Variants in CISD2 observed in about 807,000 individuals in gnomAD.
CISD2 encodes the protein CDGSH iron sulfur domain 2, also known as CDGSH iron-sulfur domain-containing protein 2.
A neutral mutation model predicts 12.9 loss-of-function variants in CISD2; 1 was observed. The ratio of observed to expected loss-of-function variants is 0.08; its 90% confidence interval spans 0.03 to 0.37. The LOEUF is 0.37. CISD2 is among the 10% of genes least tolerant of loss of function. The pLI, the probability that CISD2 is intolerant of heterozygous loss-of-function variation, is 0.99. For synonymous variants in CISD2, 50 were observed against 60.6 expected, an observed-to-expected ratio of 0.83 and a Z score of 0.81; for missense variants, 97 against 163.1, an observed-to-expected ratio of 0.59 and a Z score of 2.21.
At position 102,890,657 on chromosome 4, in the gene CISD2, G is replaced by T. The variant is rs919036397; in HGVS notation, c.*3227G>T. The T allele has an allele frequency of 6.6e-6, 1 of 151,786 alleles. No individual in the cohort carries two copies. Among genetic ancestry groups the T allele is most frequent in the African/African-American group, 2.4e-5 (1 of 41,286 alleles). 9.4% of individuals were successfully genotyped at this position (151,786 alleles called of 1,614,324 possible). A position where few individuals can be genotyped will look rare whatever the true frequency, so the allele number is the denominator to read the frequency against. On this transcript the variant is annotated 3_prime_UTR_variant, in exon 3 of 3. Coordinates refer to ENST00000273986, the MANE Select transcript of CISD2 (RefSeq NM_001008388.5). Reference sequence around the variant, plus strand: ...GGAGTACCATACCAGCTTGGGCAACGTGGTGAGATCTCATCTCTACAGAAA... The same window carrying T: ...GGAGTACCATACCAGCTTGGGCAACTTGGTGAGATCTCATCTCTACAGAAA...
At chr4:102,880,696 T>A (rs1293529129) in intron 1 of CISD2, among the ~76,000 whole-genome samples, 2 of 151,858 alleles carry the variant, frequency 1.3e-5, no homozygotes, top group Non-Finnish European at 2.9e-5. Flanking sequence ...AAATATATTT[T>A]AAATTATTTT....
intron 1 of CISD2, among the ~76,000 whole-genome samples, chr4:102,871,858 C>T (rs1323881855): frequency 6.6e-6 from 1 of 152,028 alleles, no homozygotes; most frequent in Admixed American, 6.5e-5. Context: ...CATTTCCTTC[C>T]CTATTTAAAT....
intron 1 of CISD2, 167 bp downstream of exon 1, chr4:102,869,354 C>A: frequency 1.1e-6 from 1 of 885,320 alleles, no homozygotes; most frequent in Non-Finnish European, 1.8e-6. Flanking sequence ...CTGGGGAACG[C>A]CTGTGAGGCA....
Position 102,888,895 on chromosome 4 carries a change from C to A in CISD2, c.*1465C>A, listed in dbSNP as rs1208159123. Reference sequence around the variant, plus strand: ...CTGCTTAGTTGAGAAAAGACAAATACAAAAGCTTTTCTTTAGTCTATTTAA... The same window carrying A: ...CTGCTTAGTTGAGAAAAGACAAATAAAAAAGCTTTTCTTTAGTCTATTTAA... On this transcript the variant is annotated 3_prime_UTR_variant, in exon 3 of 3. Coordinates refer to ENST00000273986, the MANE Select transcript of CISD2 (RefSeq NM_001008388.5). 6.6e-6 allele frequency: 1 copy of A among 152,252 alleles called. No homozygotes were observed. Among genetic ancestry groups the A allele is most frequent in the East Asian group, 1.9e-4 (1 of 5,206 alleles). 9.4% of individuals were successfully genotyped at this position (152,252 alleles called of 1,614,324 possible). A position where few individuals can be genotyped will look rare whatever the true frequency, so the allele number is the denominator to read the frequency against.
At chr4:102,884,941 A>G (rs994001582) in intron 1 of CISD2, 27 of 389,020 alleles carry the variant, frequency 6.9e-5, no homozygotes, top group Middle Eastern at 8.2e-4. Flanking sequence ...ACAAACACAA[A>G]TAGACTTGAT....
chr4:102,869,696 AACCTC>A (rs1470751660), intron 1 of CISD2, among the ~76,000 whole-genome samples: 1 of 152,150 alleles, frequency 6.6e-6, no homozygotes, highest in African/African-American at 2.4e-5. Flanking sequence ...ATTAGGAGAT[AACCTC>A]CATTCCCTCA....
At chr4:102,873,165 C>T (rs1260469135) in intron 1 of CISD2, among the ~76,000 whole-genome samples, 1 of 152,148 alleles carries the variant, frequency 6.6e-6, no homozygotes, top group African/African-American at 2.4e-5. Flanking sequence ...TCCCTTGGCA[C>T]GAGATTATGG....
intron 1 of CISD2, among the ~76,000 whole-genome samples, chr4:102,882,052 CGTT>C (rs1177360331): frequency 2.0e-5 from 3 of 152,118 alleles, no homozygotes; most frequent in African/African-American, 7.2e-5. Flanking sequence ...ATTAGCCAGA[CGTT>C]GTGGTGTGCT....
At chr4:102,884,177 AC>A (rs919251219) in intron 1 of CISD2, among the ~76,000 whole-genome samples, 3 of 152,176 alleles carry the variant, frequency 2.0e-5, no homozygotes, top group African/African-American at 7.2e-5. Context: ...CCTGGACTAA[AC>A]CTGCTTAGGC....
At chr4:102,878,358 T>A (rs566847436) in intron 1 of CISD2, among the ~76,000 whole-genome samples, 1 of 152,228 alleles carries the variant, frequency 6.6e-6, no homozygotes, top group East Asian at 1.9e-4. Flanking sequence ...CTCGATGTCT[T>A]GACCTCATGA....
chr4:102,878,124 C>CT lies in CISD2; in HGVS notation c.104-7084dup, dbSNP rs562313726. Among the ~76,000 whole-genome samples, 840 of 128,416 alleles carry CT rather than the reference C, an allele frequency of 6.5e-3. 11 individuals are homozygous for CT. The highest frequency in any genetic ancestry group is 0.022 in the African/African-American group (738 of 34,204). The allele number at this position is 128,416 out of a possible 152,430, so 84.2% of individuals were successfully genotyped here. ...ATTTCTCCCCAGAAAATGGGTTTTT[C>CT]TTTTTTTTGGGGGGGCGGGGGGAAG... is the stretch of plus-strand genomic sequence containing the variant. On this transcript the variant is annotated intron_variant, in intron 1 of 2. Transcript: ENST00000273986.
intron 1 of CISD2, 197 bp downstream of exon 1, chr4:102,869,384 C>T: frequency 1.3e-6 from 1 of 748,428 alleles, no homozygotes; most frequent in Non-Finnish European, 2.3e-6. Context: ...TGCTTGATGC[C>T]CCAGGGTCTT....
chr4:102,869,082 A>G lies in CISD2; in HGVS notation c.-3A>G. 3 of 1,609,100 alleles carry G rather than the reference A, an allele frequency of 1.9e-6. No homozygotes were observed. Among genetic ancestry groups the G allele is most frequent in the Non-Finnish European group, 2.5e-6 (3 of 1,178,158 alleles). ...GGGAGAGGAGTGGACGCCGCTGGCC[A>G]GGATGGTGCTGGAGAGCGTGGCCCG... is the stretch of plus-strand genomic sequence containing the variant. On this transcript the variant is annotated 5_prime_UTR_variant, in exon 1 of 3. Coordinates refer to ENST00000273986, the MANE Select transcript of CISD2 (RefSeq NM_001008388.5).
intron 1 of CISD2, among the ~76,000 whole-genome samples, chr4:102,872,613 A>G (rs573413031): frequency 6.6e-6 from 1 of 152,276 alleles, no homozygotes; most frequent in Non-Finnish European, 1.5e-5. Context: ...GTTCTGTGGA[A>G]TGTAATTCCT....
chr4:102,875,505 GTTT>G (rs1255460965), intron 1 of CISD2, among the ~76,000 whole-genome samples: 1 of 152,176 alleles, frequency 6.6e-6, no homozygotes, highest in African/African-American at 2.4e-5. Context: ...GGTGCTGAAA[GTTT>G]TTTTCTTAAA....
At chr4:102,872,921 A>C (rs1213592799) in intron 1 of CISD2, among the ~76,000 whole-genome samples, 1 of 152,214 alleles carries the variant, frequency 6.6e-6, no homozygotes. Flanking sequence ...TAAAGGAAAG[A>C]GGTTTAATCC....
chr4:102,872,138 G>A (rs1473129743), intron 1 of CISD2, among the ~76,000 whole-genome samples: 1 of 151,974 alleles, frequency 6.6e-6, no homozygotes, highest in Non-Finnish European at 1.5e-5. Flanking sequence ...GTGCAGTGTC[G>A]GCTCACTGCA....
intron 1 of CISD2, among the ~76,000 whole-genome samples, chr4:102,879,889 T>C (rs768324076): frequency 6.6e-5 from 10 of 152,176 alleles, no homozygotes; most frequent in African/African-American, 9.7e-5. Flanking sequence ...GGGACACAGA[T>C]GATCAGACAA....
intron 1 of CISD2, among the ~76,000 whole-genome samples, chr4:102,880,655 G>T (rs1733693800): frequency 6.6e-6 from 1 of 151,786 alleles, no homozygotes; most frequent in Non-Finnish European, 1.5e-5. Context: ...ATCAGCCTGG[G>T]TGACAGAGTG....
Sources: allele counts gnomAD v4.1 joint callset (sites outside exome capture counted in the v4.1 genomes callset), GRCh38; gene constraint gnomAD v4.1.1; transcripts MANE v1.5; gene names NCBI Gene and HGNC (gene_info 2026-07-23, HGNC 2026-07-21).